Variants in PPP1R14C observed in about 807,000 individuals in gnomAD.
PPP1R14C encodes protein phosphatase 1 regulatory subunit 14C.
Under a neutral mutation model 20.4 loss-of-function variants are expected in PPP1R14C, and 16 were observed. The observed-to-expected ratio is 0.78, with a 90% CI of 0.53 to 1.19. The LOEUF is 1.19. Ranked by LOEUF, PPP1R14C falls within the 50% of genes most tolerant of loss-of-function variation. The pLI is 0.00. For synonymous variants in PPP1R14C, 91 were observed against 91.0 expected, an observed-to-expected ratio of 1.00 and a Z score of 0.00; for missense variants, 211 against 220.1, an observed-to-expected ratio of 0.96 and a Z score of 0.26.
At chr6:150,217,529 G>T (rs9885696) in intron 3 of PPP1R14C, among the ~76,000 whole-genome samples, 41,264 of 151,942 alleles carry the variant, frequency 0.27, 6,692 homozygotes, top group African/African-American at 0.45. Context: ...GTAAAGGCAG[G>T]TCTGTCTTTC....
At chr6:150,157,309 G>A (rs762837417) in intron 1 of PPP1R14C, among the ~76,000 whole-genome samples, 2 of 152,178 alleles carry the variant, frequency 1.3e-5, no homozygotes, top group African/African-American at 2.4e-5. Flanking sequence ...TCAGCCTTCT[G>A]CTCTAGGAAT....
In PPP1R14C at chr6:150,155,528, G is replaced by C. The variant is rs9478524; in HGVS notation, c.306+12030G>C. Among the ~76,000 whole-genome samples, 470 of 152,210 alleles carry C rather than the reference G, an allele frequency of 3.1e-3. 2 individuals carry two copies. Among genetic ancestry groups the C allele is most frequent in the African/African-American group, 0.011 (445 of 41,536 alleles). Reference sequence around the variant, plus strand: ...GTAACAAGAGGAAGACTTGCTTCCTGGAAACTGTGAACATCAGTTGCACCA... The same window carrying C: ...GTAACAAGAGGAAGACTTGCTTCCTCGAAACTGTGAACATCAGTTGCACCA... On this transcript the variant is annotated intron_variant, in intron 1 of 3. Coordinates refer to ENST00000361131, the MANE Select transcript of PPP1R14C (RefSeq NM_030949.3).
intron 3 of PPP1R14C, among the ~76,000 whole-genome samples, chr6:150,217,597 G>C (rs1472277182): frequency 6.6e-6 from 1 of 152,278 alleles, no homozygotes; most frequent in East Asian, 1.9e-4. Flanking sequence ...TTTATCAAGT[G>C]TAATGTATAA....
chr6:150,243,847 T>C lies in PPP1R14C; in HGVS notation c.424-4899T>C, dbSNP rs886720159. ...ATGCTACTCAGCAACAGAAAAGGAA[T>C]GAACTATTAATCCATGCAGCAGTGT... On this transcript the variant is annotated intron_variant, in intron 3 of 3. Transcript: ENST00000361131. Among the ~76,000 whole-genome samples the C allele has an allele frequency of 3.3e-5, 5 of 152,202 alleles. No individual in the cohort carries two copies. In the South Asian group the frequency reaches 1.0e-3, roughly 31 times the overall value.
chr6:150,167,154 G>A (rs1430443977), intron 1 of PPP1R14C, among the ~76,000 whole-genome samples: 1 of 152,110 alleles, frequency 6.6e-6, no homozygotes, highest in Admixed American at 6.5e-5. Context: ...ATCACTTGAG[G>A]TCAGGAGTTT....
chr6:150,171,971 C>CT (rs969520714), intron 1 of PPP1R14C, among the ~76,000 whole-genome samples: 10 of 150,924 alleles, frequency 6.6e-5, no homozygotes, highest in South Asian at 2.1e-4. Context: ...ATGCCCTGCT[C>CT]TTTTTTTTTG....
intron 1 of PPP1R14C, among the ~76,000 whole-genome samples, chr6:150,197,798 C>T (rs1349016197): frequency 6.9e-6 from 1 of 145,270 alleles, no homozygotes; most frequent in African/African-American, 2.6e-5. Context: ...CCTGGATGCC[C>T]GGCTTTGTGT....
At chr6:150,145,074 A>G (rs1440442353) in intron 1 of PPP1R14C, among the ~76,000 whole-genome samples, 2 of 152,182 alleles carry the variant, frequency 1.3e-5, no homozygotes, top group Non-Finnish European at 2.9e-5. Context: ...ACAGTGCACC[A>G]GCATGGTTCT....
At chr6:150,241,812 G>A (rs371817467) in intron 3 of PPP1R14C, among the ~76,000 whole-genome samples, 5 of 152,272 alleles carry the variant, frequency 3.3e-5, no homozygotes, top group African/African-American at 7.2e-5. Flanking sequence ...GCTTGAACCC[G>A]GGAGGCGGAG....
intron 3 of PPP1R14C, among the ~76,000 whole-genome samples, chr6:150,220,216 C>A (rs2114915387): frequency 6.6e-6 from 1 of 152,294 alleles, no homozygotes; most frequent in African/African-American, 2.4e-5. Flanking sequence ...CCAGATTTTT[C>A]TTCTGAATCT....
intron 3 of PPP1R14C, among the ~76,000 whole-genome samples, chr6:150,221,282 G>A (rs887341354): frequency 4.6e-5 from 7 of 152,300 alleles, no homozygotes; most frequent in Admixed American, 2.0e-4. Flanking sequence ...TAGCTTGCCC[G>A]TAATGTCAGA....
intron 3 of PPP1R14C, among the ~76,000 whole-genome samples, chr6:150,227,544 G>A (rs1307290810): frequency 6.6e-6 from 1 of 152,136 alleles, no homozygotes; most frequent in African/African-American, 2.4e-5. Flanking sequence ...CATTTCAATG[G>A]GTCTGAGTGT....
At chr6:150,155,940 G>A (rs1266789358) in intron 1 of PPP1R14C, among the ~76,000 whole-genome samples, 2 of 142,692 alleles carry the variant, frequency 1.4e-5, no homozygotes, top group East Asian at 2.1e-4. Flanking sequence ...CAAGAGAATC[G>A]CTTGAACCTG....
rs57327189 is a variant in PPP1R14C, at chr6:150,178,948, T to G, written c.306+35450T>G. On this transcript the variant is annotated intron_variant, in intron 1 of 3. Transcript: ENST00000361131. The stretch of plus-strand genomic sequence containing the variant: ...AGGGAGCTCTCTAGGGAAAGTTTGA[T>G]GGCTGCATTTTTTTGCTTTCTATAC... 2.4e-3 allele frequency among the ~76,000 whole-genome samples: 364 copies of G among 152,340 alleles called. 4 individuals are homozygous for G. The highest frequency in any genetic ancestry group is 8.5e-3 in the African/African-American group (355 of 41,578).
At chr6:150,215,811 G>T (rs1229258995) in intron 2 of PPP1R14C, among the ~76,000 whole-genome samples, 2 of 152,196 alleles carry the variant, frequency 1.3e-5, no homozygotes, top group Non-Finnish European at 2.9e-5. Flanking sequence ...CAGTTCCCAG[G>T]TGAGGACCCA....
rs372374017 is a variant in PPP1R14C, at chr6:150,144,221, C to T, written c.306+723C>T. Among the ~76,000 whole-genome samples the T allele has an allele frequency of 7.2e-5, 11 of 152,266 alleles. 1 individual carries two copies. Among genetic ancestry groups the T allele is most frequent in the East Asian group, 1.9e-4 (1 of 5,160 alleles). On this transcript the variant is annotated intron_variant, in intron 1 of 3. Transcript: ENST00000361131. ...CTCGACGGGTGCCTCGGTGGAAGGG[C>T]GGGAGCCCTGCGGGGGGCCTGCGGG... is the stretch of plus-strand genomic sequence containing the variant.
At chr6:150,218,469 T>G (rs1778125182) in intron 3 of PPP1R14C, among the ~76,000 whole-genome samples, 1 of 114,156 alleles carries the variant, frequency 8.8e-6, no homozygotes, top group East Asian at 2.7e-4. Flanking sequence ...TACTAATACA[T>G]CTGAACCCCC....
chr6:150,207,060 T>C (rs1378354486), intron 1 of PPP1R14C, among the ~76,000 whole-genome samples: 1 of 152,062 alleles, frequency 6.6e-6, no homozygotes, highest in Non-Finnish European at 1.5e-5. Flanking sequence ...AGACAGGGTT[T>C]CAACACGTTG....
chr6:150,233,849 C>T (rs1057212947), intron 3 of PPP1R14C, among the ~76,000 whole-genome samples: 15 of 152,106 alleles, frequency 9.9e-5, no homozygotes, highest in East Asian at 3.8e-4. Flanking sequence ...GCTCAGAGCA[C>T]GCACCAGGCA....
Sources: gnomAD v4.1 joint callset for allele counts (sites outside exome capture counted in the v4.1 genomes callset) on GRCh38, gnomAD v4.1.1 for gene constraint, MANE v1.5 for transcripts, NCBI Gene and HGNC (gene_info 2026-07-23, HGNC 2026-07-21) for gene names.